Variants in BCR observed in about 807,000 individuals in gnomAD.
BCR encodes the protein breakpoint cluster region protein.
A neutral mutation model predicts 138.6 loss-of-function variants in BCR; 58 were observed. The ratio of observed to expected loss-of-function variants is 0.42; its 90% confidence interval spans 0.34 to 0.52. The LOEUF (loss-of-function observed/expected upper bound fraction) is 0.52. Ranked by LOEUF, BCR falls within the 20% of genes least tolerant of loss-of-function variation. The pLI, the probability that BCR is intolerant of heterozygous loss-of-function variation, is 0.06. For missense variants in BCR, 1,599 were observed against 1,727.2 expected, an observed-to-expected ratio of 0.93 and a Z score of 1.32; for synonymous variants, 786 against 730.1, an observed-to-expected ratio of 1.08 and a Z score of -1.23.
At position 23,315,625 on chromosome 22, in the gene BCR, C is replaced by A; in HGVS notation, c.*103C>A. The A allele has an allele frequency of 9.0e-7, 1 of 1,110,326 alleles. No homozygotes were observed. The highest frequency in any genetic ancestry group is 1.4e-6 in the Non-Finnish European group (1 of 740,354). 68.8% of individuals were successfully genotyped at this position (1,110,326 alleles called of 1,614,324 possible). A position where few individuals can be genotyped will look rare whatever the true frequency, so the allele number is the denominator to read the frequency against. On this transcript the variant is annotated 3_prime_UTR_variant, in exon 23 of 23. Coordinates refer to ENST00000305877, the MANE Select transcript of BCR (RefSeq NM_004327.4). ...CCTTCCTGAGGTGTCCTTGGGCCAC[C>A]CCCAAGTGTTGGGCCATCTGCCAAG...
chr22:23,228,904 A>C (rs938706429), intron 1 of BCR, among the ~76,000 whole-genome samples: 1 of 151,928 alleles, frequency 6.6e-6, no homozygotes, highest in African/African-American at 2.4e-5. Context: ...TTCTTCCCCT[A>C]ATTTGGGAAG....
At chr22:23,235,806 C>T (rs1168173990) in intron 1 of BCR, among the ~76,000 whole-genome samples, 1 of 152,170 alleles carries the variant, frequency 6.6e-6, no homozygotes, top group Non-Finnish European at 1.5e-5. Context: ...TCTTAGCCAT[C>T]TTCTTGCTGT....
At chr22:23,237,272 G>A (rs1025551163) in intron 1 of BCR, among the ~76,000 whole-genome samples, 1 of 152,182 alleles carries the variant, frequency 6.6e-6, no homozygotes, top group Non-Finnish European at 1.5e-5. Flanking sequence ...CTCCCGGAGC[G>A]GGTGTCTAGC....
chr22:23,264,178 C>T, intron 4 of BCR: 2 of 1,327,712 alleles, frequency 1.5e-6, no homozygotes, highest in South Asian at 1.2e-5. Flanking sequence ...TTGCTTGCCA[C>T]AGGTTCCTCC....
chr22:23,214,219 T>TG (rs1039644119), intron 1 of BCR, among the ~76,000 whole-genome samples: 3 of 151,980 alleles, frequency 2.0e-5, no homozygotes, highest in African/African-American at 7.3e-5. Flanking sequence ...TTTTTTTTTT[T>TG]GTGAGGGTTA....
At chr22:23,305,113 TAAA>T (rs131687) in intron 16 of BCR, among the ~76,000 whole-genome samples, 71,931 of 141,238 alleles carry the variant, frequency 0.51, 17,945 homozygotes, top group East Asian at 0.74. Flanking sequence ...GACTCCGCCT[TAAA>T]AAAAAAAAAA....
At chr22:23,237,208 A>G (rs1437626933) in intron 1 of BCR, among the ~76,000 whole-genome samples, 1 of 152,168 alleles carries the variant, frequency 6.6e-6, no homozygotes, top group East Asian at 1.9e-4. Context: ...GCAGCATACC[A>G]CAGTCCTCAT....
intron 1 of BCR, among the ~76,000 whole-genome samples, chr22:23,229,473 C>T (rs1434499806): frequency 6.6e-6 from 1 of 151,998 alleles, no homozygotes; most frequent in Non-Finnish European, 1.5e-5. Flanking sequence ...TTTAAATGTT[C>T]TGAAAATGTT....
At chr22:23,215,522 C>A (rs901672829) in intron 1 of BCR, among the ~76,000 whole-genome samples, 1 of 152,230 alleles carries the variant, frequency 6.6e-6, no homozygotes, top group Non-Finnish European at 1.5e-5. Flanking sequence ...TTTTCTGCCA[C>A]CTTCTCTGCC....
rs1206761202 is a variant in BCR, at chr22:23,260,951, G to C, written c.1463G>C (p.Ser488Thr). Reference protein sequence around the residue: ...VSGALESTKASELDLEKGLEM... With the variant: ...VSGALESTKATELDLEKGLEM... ...GACTTCTGTCTATTTCTCCTGCAGA[G>C]TGAGCTGGACTTGGAAAAGGGCTTG... The change falls in exon 3 of 23, where the codon AGT (serine) becomes ACT (threonine). Residue 488 changes from serine to threonine, a missense_variant and splice_region_variant. Physicochemically the swap from Ser to Thr is moderately conservative, Grantham distance 58. This residue lies in a region of BCR where 590 missense variants were observed against 762.4 expected (regional missense o/e 0.77). Coordinates refer to ENST00000305877, the MANE Select transcript of BCR (RefSeq NM_004327.4). 2 of 1,613,784 alleles carry C rather than the reference G, an allele frequency of 1.2e-6. No homozygotes were observed. Among genetic ancestry groups the C allele is most frequent in the Admixed American group, 3.3e-5 (2 of 60,002 alleles).
intron 1 of BCR, among the ~76,000 whole-genome samples, chr22:23,198,726 C>T (rs2071433): frequency 0.26 from 38,774 of 151,906 alleles, 5,143 homozygotes; most frequent in East Asian, 0.35. Context: ...TGCTATGCAC[C>T]GGGCCGAATC....
At chr22:23,263,961 C>A in intron 4 of BCR, 1 of 887,442 alleles carries the variant, frequency 1.1e-6, no homozygotes, top group Non-Finnish European at 1.9e-6. Flanking sequence ...CAACAGTGGG[C>A]AGCTGATGAC....
At chr22:23,289,959 A>T (rs2073765869) in intron 13 of BCR, 1 of 504,620 alleles carries the variant, frequency 2.0e-6, no homozygotes, top group Non-Finnish European at 3.6e-6. Flanking sequence ...GCTACCTGCC[A>T]GCCGGCACTT....
At chr22:23,285,681 C>CTAGT (rs1219958790) in intron 10 of BCR, among the ~76,000 whole-genome samples, 2 of 152,140 alleles carry the variant, frequency 1.3e-5, no homozygotes, top group Non-Finnish European at 2.9e-5. Flanking sequence ...CAAACACCTC[C>CTAGT]TAGTTTTTCG....
At chr22:23,205,914 A>G (rs7288943) in intron 1 of BCR, among the ~76,000 whole-genome samples, 10,674 of 152,184 alleles carry the variant, frequency 0.07, 1,251 homozygotes, top group African/African-American at 0.24. Flanking sequence ...GCTGCCTCCA[A>G]ATGCCTGGTG....
intron 16 of BCR, among the ~76,000 whole-genome samples, chr22:23,297,207 G>GTTTTTTTTTTTTTTTT (rs1307353327): frequency 6.2e-5 from 6 of 97,396 alleles, no homozygotes; most frequent in Admixed American, 5.5e-4. Context: ...TGGCTAAGTT[G>GTTTTTTTTTTTTTTTT]TTTTTTGTTT....
chr22:23,311,706 G>A lies in BCR; in HGVS notation c.3192G>A (p.Arg1064=), dbSNP rs1427959421. Residue 1064 remains arginine (R), a synonymous_variant, in exon 19 of 23, where the codon AGG becomes AGA. Coordinates refer to ENST00000305877, the MANE Select transcript of BCR (RefSeq NM_004327.4). The part of the protein sequence containing the change: ...VKIAVVTKRE[R]SKVPYIVRQC... ...TTCCCTCCTCCCGCAGGAGAGAGAGGTCCAAGGTGCCCTACATCGTGCGCC... is the reference window on the plus strand; with the variant it reads ...TTCCCTCCTCCCGCAGGAGAGAGAGATCCAAGGTGCCCTACATCGTGCGCC... 10 of 1,608,182 alleles carry A rather than the reference G, an allele frequency of 6.2e-6. No individual in the cohort carries two copies. Among genetic ancestry groups the A allele is most frequent in the Non-Finnish European group, 7.6e-6 (9 of 1,177,716 alleles).
rs148447062 is a variant in BCR, at chr22:23,311,748, C to T, written c.3234C>T (p.Ile1078=). 9.3e-6 allele frequency: 15 copies of T among 1,611,448 alleles called. No individual in the cohort carries two copies. In the East Asian group the frequency reaches 1.3e-4, roughly 14 times the overall value. ...PYIVRQCVEE[I]ERRGMEEVGI... is the part of the protein sequence containing the mutation. The stretch of plus-strand genomic sequence containing the variant: ...TCGTGCGCCAGTGCGTGGAGGAGAT[C>T]GAGCGCCGAGGCATGGAGGAGGTGG... Residue 1078 remains isoleucine (I), a synonymous_variant, in exon 19 of 23, where the codon ATC becomes ATT. Transcript: ENST00000305877.
At chr22:23,302,478 G>A (rs1037829043) in intron 16 of BCR, 1 of 152,434 alleles carries the variant, frequency 6.6e-6, no homozygotes, top group East Asian at 1.9e-4. Flanking sequence ...CTGAGTCGAG[G>A]TGCATAAGCA....
Sources: gnomAD v4.1 joint callset for allele counts (sites outside exome capture counted in the v4.1 genomes callset) on GRCh38, gnomAD v4.1.1 for gene constraint, gnomAD v4.1.1 regional missense constraint, MANE v1.5 for transcripts, NCBI Gene and HGNC (gene_info 2026-07-23, HGNC 2026-07-21) for gene names.